The following SEMA3A variants were observed in gnomAD, a reference collection of about 807,000 sequenced individuals.
SEMA3A encodes semaphorin 3A.
A neutral mutation model predicts 97.9 loss-of-function variants in SEMA3A; 29 were observed. The observed-to-expected ratio is 0.30, with a 90% confidence interval of 0.22 to 0.40. The LOEUF is 0.40. SEMA3A is among the 10% of genes least tolerant of loss of function. SEMA3A has a pLI of 1.00. For synonymous variants in SEMA3A, 321 were observed against 323.7 expected (o/e 0.99, Z 0.09); for missense variants, 763 against 951.3 (o/e 0.80, Z 2.60).
intron 3 of SEMA3A, among the ~76,000 whole-genome samples, chr7:84,224,167 A>G (rs1289199258): frequency 2.0e-5 from 3 of 151,906 alleles, no homozygotes; most frequent in Non-Finnish European, 4.4e-5. Context: ...TTTCATACTA[A>G]TTTAAAGGCG....
At chr7:84,417,965 G>A (rs374013036) in intron 1 of SEMA3A, among the ~76,000 whole-genome samples, 3 of 152,198 alleles carry the variant, frequency 2.0e-5, no homozygotes, top group African/African-American at 7.2e-5. Flanking sequence ...CCAACCCTTC[G>A]AGGAAGAATG....
intron 3 of SEMA3A, among the ~76,000 whole-genome samples, chr7:84,241,143 A>T (rs1228234463): frequency 6.6e-6 from 1 of 152,142 alleles, no homozygotes; most frequent in Non-Finnish European, 1.5e-5. Context: ...GCTGGGTCAA[A>T]TGGTATTTCT....
intron 6 of SEMA3A, among the ~76,000 whole-genome samples, chr7:84,019,975 ATGAAGTAAT>A (rs1235299058): frequency 2.1e-4 from 32 of 150,324 alleles, no homozygotes; most frequent in African/African-American, 7.3e-4. Flanking sequence ...ACTTCTATAA[ATGAAGTAAT>A]CACCTAGTGT....
chr7:84,251,011 G>A (rs58305224), intron 3 of SEMA3A, among the ~76,000 whole-genome samples: 99 of 152,216 alleles, frequency 6.5e-4, no homozygotes, highest in African/African-American at 2.2e-3. Context: ...AGACAGTAGC[G>A]ATGAAATTCA....
rs1802932259 is a variant in SEMA3A, at chr7:84,369,766, A to G, written c.-169+2058T>C. ...AAGAGGTGACAGGTATTAAATATAT[A>G]TTTATATATATAATAAAAATAACAT... is the stretch of plus-strand genomic sequence containing the variant. On this transcript the variant is annotated intron_variant, in intron 2 of 3. Coordinates refer to the SEMA3A transcript ENST00000424555. Among the ~76,000 whole-genome samples, 3 of 149,316 alleles carry G rather than the reference A, an allele frequency of 2.0e-5. No individual in the cohort carries two copies. In the Admixed American group the frequency reaches 2.0e-4, roughly 10 times the overall value.
chr7:84,480,715 C>G (rs555130441), intron 1 of SEMA3A, among the ~76,000 whole-genome samples: 1 of 152,056 alleles, frequency 6.6e-6, no homozygotes, highest in Non-Finnish European at 1.5e-5. Context: ...CTTTTTAAAA[C>G]GTAACTACCC....
intron 1 of SEMA3A, among the ~76,000 whole-genome samples, chr7:84,378,681 C>T (rs1187804862): frequency 6.6e-6 from 1 of 151,970 alleles, no homozygotes; most frequent in Non-Finnish European, 1.5e-5. Flanking sequence ...ACGTTCTGCA[C>T]ATGTATCCCA....
intron 1 of SEMA3A, among the ~76,000 whole-genome samples, chr7:84,441,190 T>C (rs28858993): frequency 6.7e-6 from 1 of 149,994 alleles, no homozygotes; most frequent in Non-Finnish European, 1.5e-5. Flanking sequence ...AAAATAAAAA[T>C]AAAAAAAACA....
chr7:84,008,386 G>A lies in SEMA3A; in HGVS notation c.996-889C>T, dbSNP rs539518861. ...GGTGGCTGTAGTCCCAGCTACTCGG[G>A]AGGCTGAGGAAGGAGAATGGTGTGA... On this transcript the variant is annotated intron_variant, in intron 9 of 16. Coordinates refer to ENST00000265362, the MANE Select transcript of SEMA3A (RefSeq NM_006080.3). Among the ~76,000 whole-genome samples, 4 of 151,582 alleles carry A rather than the reference G, an allele frequency of 2.6e-5. 1 individual carries two copies. Among genetic ancestry groups the A allele is most frequent in the Admixed American group, 2.6e-4 (4 of 15,174 alleles).
intron 12 of SEMA3A, among the ~76,000 whole-genome samples, chr7:84,001,257 T>C (rs550024571): frequency 6.6e-6 from 1 of 152,178 alleles, no homozygotes; most frequent in East Asian, 1.9e-4. Flanking sequence ...ACATGGTATA[T>C]GTTAGACTAC....
At chr7:84,321,460 G>A (rs886317702) in intron 2 of SEMA3A, among the ~76,000 whole-genome samples, 2 of 152,138 alleles carry the variant, frequency 1.3e-5, no homozygotes, top group Non-Finnish European at 2.9e-5. Flanking sequence ...AAATACACAT[G>A]ATCTAAGACC....
At chr7:84,438,536 G>A (rs1286108655) in intron 1 of SEMA3A, among the ~76,000 whole-genome samples, 1 of 152,112 alleles carries the variant, frequency 6.6e-6, no homozygotes, top group Admixed American at 6.5e-5. Context: ...TAGGCAGGAT[G>A]TTGGGGTTAA....
In SEMA3A at chr7:84,063,932, C is replaced by T. The variant is rs984112665; in HGVS notation, c.454-3374G>A. On this transcript the variant is annotated intron_variant, in intron 4 of 16. Transcript: ENST00000265362. ...AAATACAGAGAACGCCACAAAGATA[C>T]TCCTCGAGAAGAGCAACTCCAAGAC... 2.4e-4 allele frequency among the ~76,000 whole-genome samples: 36 copies of T among 150,996 alleles called. 1 individual carries two copies. The highest frequency in any genetic ancestry group is 1.6e-4 in the Non-Finnish European group (11 of 67,902).
intron 1 of SEMA3A, among the ~76,000 whole-genome samples, chr7:84,381,745 G>GACTAA (rs1198757543): frequency 1.3e-5 from 2 of 152,222 alleles, no homozygotes; most frequent in Admixed American, 1.3e-4. Flanking sequence ...TGATAGAAGA[G>GACTAA]ACTAAGAACA....
intron 1 of SEMA3A, among the ~76,000 whole-genome samples, chr7:84,458,059 A>G (rs1584339487): frequency 6.6e-6 from 1 of 152,138 alleles, no homozygotes; most frequent in Non-Finnish European, 1.5e-5. Context: ...TTATGTTTAC[A>G]ACCTGTTTCT....
chr7:84,236,399 C>T (rs1037492395), intron 3 of SEMA3A, among the ~76,000 whole-genome samples: 4 of 152,104 alleles, frequency 2.6e-5, no homozygotes, highest in Admixed American at 2.6e-4. Context: ...ACAGAAGTTT[C>T]TAACTCTCCC....
intron 1 of SEMA3A, among the ~76,000 whole-genome samples, chr7:84,135,663 T>C (rs1197056153): frequency 6.6e-6 from 1 of 152,184 alleles, no homozygotes; most frequent in African/African-American, 2.4e-5. Context: ...CCTAACAAAA[T>C]AGGAATGTGG....
rs1554364005 is a variant in SEMA3A at position 84,320,657 on chromosome 7, A to AAG, written c.-168-13366_-168-13365insCT. Among the ~76,000 whole-genome samples the AAG allele has an allele frequency of 4.4e-4, 65 of 148,906 alleles. No homozygotes were observed. In the East Asian group the frequency reaches 6.7e-3, roughly 15 times the overall value. On this transcript the variant is annotated intron_variant, in intron 2 of 3. Transcript: ENST00000424555. Reference sequence around the variant, plus strand: ...TTTTAGTGTACTTGAGAAATAAATTATTTTTTTTTTCTGCACATGGGTTTA... The same window carrying AAG: ...TTTTAGTGTACTTGAGAAATAAATTAAGTTTTTTTTTTCTGCACATGGGTTTA...
chr7:84,063,173 T>C (rs571456066), intron 4 of SEMA3A, among the ~76,000 whole-genome samples: 4,658 of 151,678 alleles, frequency 0.031, 102 homozygotes, highest in South Asian at 0.081. Context: ...ACACCTCACA[T>C]GGCAGGGTAT....
Sources: gnomAD v4.1 joint callset for allele counts (sites outside exome capture counted in the v4.1 genomes callset) on GRCh38, gnomAD v4.1.1 for gene constraint, MANE v1.5 for transcripts, NCBI Gene and HGNC (gene_info 2026-07-23, HGNC 2026-07-21) for gene names.